PALM2AKAP2: variants seen among roughly 807,000 people sequenced by gnomAD.
PALM2AKAP2 encodes the protein PALM2-AKAP2 fusion protein.
PALM2AKAP2 carries 37 observed loss-of-function variants against 71.5 expected under a neutral mutation model. The observed-to-expected ratio is 0.52, with a 90% CI of 0.40 to 0.68. The LOEUF is 0.68. Among genes scored for constraint, PALM2AKAP2 ranks in the 30% least tolerant of loss-of-function variants. The pLI, the probability that PALM2AKAP2 is intolerant of heterozygous loss-of-function variation, is 0.00. For missense variants in PALM2AKAP2, 1,224 were observed against 1,191.8 expected (o/e 1.03, Z -0.40); for synonymous variants, 468 against 478.8 (o/e 0.98, Z 0.29).
intron 1 of PALM2AKAP2, among the ~76,000 whole-genome samples, chr9:109,740,004 C>T (rs1225150756): frequency 6.6e-6 from 1 of 152,200 alleles, no homozygotes; most frequent in Non-Finnish European, 1.5e-5. Context: ...GTTTACTTTT[C>T]TTGAAACACA....
At chr9:110,091,229 G>A (rs766760686) in intron 1 of PALM2AKAP2, among the ~76,000 whole-genome samples, 4 of 152,060 alleles carry the variant, frequency 2.6e-5, no homozygotes, top group Non-Finnish European at 5.9e-5. Context: ...GGAGCTGCAC[G>A]TGTGAGGTTT....
Position 110,099,204 on chromosome 9 carries a change from G to T in PALM2AKAP2, c.157-36923G>T, listed in dbSNP as rs191863309. Among the ~76,000 whole-genome samples, 8 of 152,330 alleles carry T rather than the reference G, an allele frequency of 5.3e-5. No individual in the cohort carries two copies. The East Asian group carries it at 1.5e-3, about 29-fold the overall frequency. Reference sequence around the variant, plus strand: ...AAGAAGAGAGGAATGCCTTAGAAATGTAATGCTGTTTTTCCTACGGAATCA... The same window carrying T: ...AAGAAGAGAGGAATGCCTTAGAAATTTAATGCTGTTTTTCCTACGGAATCA... On this transcript the variant is annotated intron_variant, in intron 1 of 3. Coordinates refer to ENST00000374525, the Ensembl canonical transcript of PALM2AKAP2.
At chr9:109,871,273 T>A (rs1829597386) in intron 2 of PALM2AKAP2, among the ~76,000 whole-genome samples, 1 of 152,156 alleles carries the variant, frequency 6.6e-6, no homozygotes, top group South Asian at 2.1e-4. Context: ...AATTCCACAA[T>A]ACAGTAAAAG....
At chr9:109,875,234 G>A (rs899375710) in intron 2 of PALM2AKAP2, among the ~76,000 whole-genome samples, 8 of 152,104 alleles carry the variant, frequency 5.3e-5, no homozygotes, top group East Asian at 1.9e-4. Context: ...ACACCCCTCC[G>A]GATCTCAGAT....
chr9:109,703,176 A>T (rs1762239852), intron 1 of PALM2AKAP2, among the ~76,000 whole-genome samples: 1 of 152,228 alleles, frequency 6.6e-6, no homozygotes, highest in South Asian at 2.1e-4. Context: ...AAATTCAAAT[A>T]TACATATATA....
intron 3 of PALM2AKAP2, among the ~76,000 whole-genome samples, chr9:109,882,950 A>G (rs1470183993): frequency 1.3e-5 from 2 of 151,978 alleles, no homozygotes; most frequent in Admixed American, 1.3e-4. Flanking sequence ...TGTCCGTCCT[A>G]TTCTGTTTTT....
intron 7 of PALM2AKAP2, among the ~76,000 whole-genome samples, chr9:110,029,176 T>C (rs1213496170): frequency 3.3e-5 from 5 of 152,206 alleles, no homozygotes; most frequent in Admixed American, 3.3e-4. Flanking sequence ...CTCTATTTGT[T>C]TGTTTGATTG....
chr9:110,091,055 T>A (rs549957566), intron 1 of PALM2AKAP2, among the ~76,000 whole-genome samples: 1 of 152,210 alleles, frequency 6.6e-6, no homozygotes, highest in South Asian at 2.1e-4. Flanking sequence ...AACAACTACA[T>A]GAGCTCTGTT....
chr9:109,900,016 C>A (rs980932628), intron 3 of PALM2AKAP2, among the ~76,000 whole-genome samples: 24 of 152,258 alleles, frequency 1.6e-4, no homozygotes, highest in African/African-American at 5.8e-4. Flanking sequence ...TAGTACACTG[C>A]CAGGCTCAAT....
chr9:109,733,746 T>A (rs1828589008), intron 1 of PALM2AKAP2, among the ~76,000 whole-genome samples: 1 of 152,202 alleles, frequency 6.6e-6, no homozygotes, highest in African/African-American at 2.4e-5. Flanking sequence ...GGGGAATCAA[T>A]CTGAAAATCA....
intron 1 of PALM2AKAP2, among the ~76,000 whole-genome samples, chr9:109,724,170 G>A (rs566694018): frequency 6.6e-6 from 1 of 151,882 alleles, no homozygotes; most frequent in South Asian, 2.1e-4. Flanking sequence ...AAAACACCAA[G>A]TAAAATTAAA....
chr9:109,771,567 T>A (rs767846076), intron 1 of PALM2AKAP2, among the ~76,000 whole-genome samples: 1 of 152,210 alleles, frequency 6.6e-6, no homozygotes, highest in Non-Finnish European at 1.5e-5. Context: ...AGTTTCATAA[T>A]GATGGACAGA....
chr9:109,751,359 G>T (rs1255514540), intron 1 of PALM2AKAP2, among the ~76,000 whole-genome samples: 5 of 152,146 alleles, frequency 3.3e-5, no homozygotes, highest in Non-Finnish European at 5.9e-5. Context: ...CGTTTCTGTT[G>T]ATTTTACAGC....
upstream of PALM2AKAP2, among the ~76,000 whole-genome samples, chr9:109,778,316 G>C (rs1395769938): frequency 6.6e-6 from 1 of 152,194 alleles, no homozygotes; most frequent in East Asian, 1.9e-4. Context: ...TATAACTGTA[G>C]CTGAGTCTTT....
intron 1 of PALM2AKAP2, among the ~76,000 whole-genome samples, chr9:109,642,205 C>T (rs1489665767): frequency 1.3e-5 from 2 of 151,846 alleles, no homozygotes; most frequent in Non-Finnish European, 2.9e-5. Flanking sequence ...GTCAGATTGG[C>T]TGGTTTGAGG....
At chr9:109,649,368 A>C (rs1018315401) in intron 1 of PALM2AKAP2, among the ~76,000 whole-genome samples, 1 of 152,202 alleles carries the variant, frequency 6.6e-6, no homozygotes, top group East Asian at 1.9e-4. Flanking sequence ...GTTTCCTTAC[A>C]TTTAAAAGTC....
At chr9:109,802,049 G>A (rs1343200985) in intron 1 of PALM2AKAP2, among the ~76,000 whole-genome samples, 2 of 152,146 alleles carry the variant, frequency 1.3e-5, no homozygotes, top group African/African-American at 4.8e-5. Context: ...CAGTCAAAAT[G>A]CTGCTTTGGA....
chr9:110,092,160 C>T lies in PALM2AKAP2; in HGVS notation c.156+43305C>T, dbSNP rs192256502. ...CAGCCTGGCCAACATAGTGAAACTC[C>T]GTATCTACTAAAAATACAAAAATTA... is the stretch of plus-strand genomic sequence containing the variant. On this transcript the variant is annotated intron_variant, in intron 1 of 3. Transcript: ENST00000374525. Among the ~76,000 whole-genome samples, 5 of 152,180 alleles carry T rather than the reference C, an allele frequency of 3.3e-5. No homozygotes were observed. In the East Asian group the frequency reaches 7.7e-4, roughly 24 times the overall value.
intron 1 of PALM2AKAP2, among the ~76,000 whole-genome samples, chr9:110,050,006 C>G (rs182704727): frequency 6.6e-6 from 1 of 152,246 alleles, no homozygotes; most frequent in Non-Finnish European, 1.5e-5. Context: ...AAGCCCGTTT[C>G]CCGTGTGGGG....
Sources: gnomAD v4.1 joint callset for allele counts (sites outside exome capture counted in the v4.1 genomes callset) on GRCh38, gnomAD v4.1.1 for gene constraint, MANE v1.5 for transcripts, NCBI Gene and HGNC (gene_info 2026-07-23, HGNC 2026-07-21) for gene names.